Variants in DENND1B observed in about 807,000 individuals in gnomAD.
The protein encoded by DENND1B is DENN domain-containing protein 1B.
A neutral mutation model predicts 90.1 loss-of-function variants in DENND1B; 59 were observed. The ratio of observed to expected loss-of-function variants is 0.65; its 90% CI spans 0.53 to 0.81. DENND1B has a LOEUF of 0.81. Ranked by LOEUF, DENND1B falls within the 40% of genes least tolerant of loss-of-function variation. DENND1B has a pLI of 0.00. For missense variants in DENND1B, 862 were observed against 912.6 expected (o/e 0.94, Z 0.71); for synonymous variants, 337 against 324.6 (o/e 1.04, Z -0.41).
At chr1:197,524,163 G>C (rs930810110) in intron 20 of DENND1B, among the ~76,000 whole-genome samples, 13 of 152,024 alleles carry the variant, frequency 8.6e-5, no homozygotes, top group African/African-American at 2.9e-4. Context: ...GAGCATCCAA[G>C]AACTGAGGGA....
intron 2 of DENND1B, among the ~76,000 whole-genome samples, chr1:197,743,248 T>C (rs556593274): frequency 2.0e-5 from 3 of 152,316 alleles, no homozygotes; most frequent in Non-Finnish European, 2.9e-5. Flanking sequence ...CTTGAAGATA[T>C]TGCAGGTTCA....
At chr1:197,559,836 C>A (rs1012269411) in intron 15 of DENND1B, among the ~76,000 whole-genome samples, 6 of 151,900 alleles carry the variant, frequency 3.9e-5, no homozygotes, top group Non-Finnish European at 7.4e-5. Flanking sequence ...TTTATAGACA[C>A]CTGCTAAATG....
At chr1:197,770,057 C>T (rs748292613) in intron 2 of DENND1B, among the ~76,000 whole-genome samples, 2 of 151,970 alleles carry the variant, frequency 1.3e-5, no homozygotes, top group Non-Finnish European at 2.9e-5. Flanking sequence ...ATAGTTATTA[C>T]TTGTTAGATC....
chr1:197,574,203 G>A (rs1271053285), intron 15 of DENND1B, among the ~76,000 whole-genome samples: 1 of 152,112 alleles, frequency 6.6e-6, no homozygotes, highest in Non-Finnish European at 1.5e-5. Context: ...CATCATCTCA[G>A]CCCAAAATCT....
At chr1:197,543,332 A>G (rs1428273197) in intron 18 of DENND1B, among the ~76,000 whole-genome samples, 2 of 152,210 alleles carry the variant, frequency 1.3e-5, no homozygotes, top group African/African-American at 2.4e-5. Flanking sequence ...TTTTAAAATA[A>G]TGAATAGGGT....
At chr1:197,539,878 A>G (rs1670203111) in intron 20 of DENND1B, 86 bp downstream of exon 20, 3 of 1,119,346 alleles carry the variant, frequency 2.7e-6, no homozygotes, top group East Asian at 2.6e-5. Context: ...ATAAAAAATT[A>G]GTGGATCCAA....
chr1:197,740,612 T>C (rs1663126432), intron 2 of DENND1B, among the ~76,000 whole-genome samples: 1 of 152,156 alleles, frequency 6.6e-6, no homozygotes, highest in South Asian at 2.1e-4. Flanking sequence ...GTTGAAGAAC[T>C]AAACAATAAT....
chr1:197,571,056 T>C (rs1673106309), intron 15 of DENND1B, among the ~76,000 whole-genome samples: 2 of 108,074 alleles, frequency 1.9e-5, no homozygotes, highest in Admixed American at 1.0e-4. Context: ...TAAGTAAGAG[T>C]TGACAATTCT....
In DENND1B at chr1:197,511,780, G is replaced by C. The variant is rs1376388407; in HGVS notation, c.1763C>G (p.Ala588Gly). ...TGATCTAAAGAAATCCAAGCTCTTT[G>C]CAGCTGCCAGCTTCCCCTGATCTGA... ...HSSDQGKLAAAKSLDFFRSMD... is the reference protein window; with the variant it reads ...HSSDQGKLAAGKSLDFFRSMD... Residue 588 changes from alanine (A) to glycine (G), a missense_variant, in exon 22 of 23, where the codon GCA (alanine) becomes GGA (glycine). Physicochemically the swap from Ala to Gly is moderately conservative, Grantham distance 60. Coordinates refer to ENST00000620048, the MANE Select transcript of DENND1B (RefSeq NM_001195215.2). 1 of 1,610,838 alleles carries C rather than the reference G, an allele frequency of 6.2e-7. No individual in the cohort carries two copies. The highest frequency in any genetic ancestry group is 1.1e-5 in the South Asian group (1 of 90,848).
At position 197,544,837 on chromosome 1, in the gene DENND1B, G is replaced by A. The variant is rs901261486; in HGVS notation, c.1350+1085C>T. 4.8e-3 allele frequency among the ~76,000 whole-genome samples: 686 copies of A among 141,594 alleles called. 7 individuals carry two copies. Among genetic ancestry groups the A allele is most frequent in the African/African-American group, 0.017 (638 of 37,930 alleles). The allele number at this position is 141,594 out of a possible 152,430, so 92.9% of individuals were successfully genotyped here. ...AGGAAGAGGAGGAAGAAGAGGAAGAGGAGGAAGAAGAGGAAGAAGAGGAAG... is the reference window on the plus strand; with the variant it reads ...AGGAAGAGGAGGAAGAAGAGGAAGAAGAGGAAGAAGAGGAAGAAGAGGAAG... On this transcript the variant is annotated intron_variant, in intron 18 of 22. Transcript: ENST00000620048.
At chr1:197,715,120 A>T in intron 2 of DENND1B, 46 bp from the exon 3 acceptor site, 1 of 1,520,840 alleles carries the variant, frequency 6.6e-7, no homozygotes, top group Non-Finnish European at 9.1e-7. Context: ...AAAAGAACAC[A>T]TTTAAAGGAA....
intron 15 of DENND1B, among the ~76,000 whole-genome samples, chr1:197,553,527 A>G (rs746606982): frequency 4.6e-5 from 7 of 152,122 alleles, no homozygotes; most frequent in Non-Finnish European, 7.4e-5. Flanking sequence ...CTGTTTACCC[A>G]GTACCTGCCT....
intron 2 of DENND1B, among the ~76,000 whole-genome samples, chr1:197,746,504 T>C (rs551033894): frequency 2.6e-4 from 40 of 152,194 alleles, no homozygotes; most frequent in Non-Finnish European, 7.3e-5. Flanking sequence ...AACAAAATTC[T>C]ATCCTATTTT....
At chr1:197,654,363 G>C (rs769426624) in intron 6 of DENND1B, among the ~76,000 whole-genome samples, 1 of 152,092 alleles carries the variant, frequency 6.6e-6, no homozygotes, top group Non-Finnish European at 1.5e-5. Context: ...GTAATCCCCA[G>C]CACTTTGGGG....
chr1:197,769,953 C>CA lies in DENND1B; in HGVS notation c.82+2914dup, dbSNP rs1451594690. Among the ~76,000 whole-genome samples the CA allele has an allele frequency of 7.9e-5, 12 of 151,896 alleles. No homozygotes were observed. The East Asian group carries it at 9.7e-4, about 12-fold the overall frequency. On this transcript the variant is annotated intron_variant, in intron 2 of 22. Transcript: ENST00000620048. Reference sequence around the variant, plus strand: ...CAGAAACATAAATCTCTCAATTTGGCAAAAAAATTTACTTTTATAGCCCTC... The same window carrying CA: ...CAGAAACATAAATCTCTCAATTTGGCAAAAAAAATTTACTTTTATAGCCCTC...
At chr1:197,604,494 CT>C (rs1482048477) in intron 13 of DENND1B, among the ~76,000 whole-genome samples, 2 of 151,074 alleles carry the variant, frequency 1.3e-5, no homozygotes, top group Non-Finnish European at 3.0e-5. Context: ...GAAAAAAGAA[CT>C]AGTAATTCAG....
chr1:197,539,620 T>C (rs1670180736), intron 20 of DENND1B, among the ~76,000 whole-genome samples: 1 of 152,228 alleles, frequency 6.6e-6, no homozygotes, highest in Non-Finnish European at 1.5e-5. Context: ...TACCCATGTA[T>C]AAGATTGATT....
At chr1:197,551,502 C>G (rs998161952) in intron 16 of DENND1B, among the ~76,000 whole-genome samples, 1 of 152,022 alleles carries the variant, frequency 6.6e-6, no homozygotes, top group Admixed American at 6.6e-5. Flanking sequence ...TTCTCCTAAT[C>G]TTTTTTAAAC....
intron 7 of DENND1B, among the ~76,000 whole-genome samples, chr1:197,651,890 T>C (rs1380775414): frequency 6.6e-6 from 1 of 151,866 alleles, no homozygotes; most frequent in East Asian, 1.9e-4. Flanking sequence ...CTCCTGACCT[T>C]GTGATCCACC....
Sources: allele counts gnomAD v4.1 joint callset (sites outside exome capture counted in the v4.1 genomes callset), GRCh38; gene constraint gnomAD v4.1.1; transcripts MANE v1.5; gene names NCBI Gene and HGNC (gene_info 2026-07-23, HGNC 2026-07-21).